The following LOC122539214 variants were observed in gnomAD, a reference collection of about 807,000 sequenced individuals.
the LOC122539214 span, chr19:52,653,345 G>A: frequency 3.3e-6 from 4 of 1,221,608 alleles, no homozygotes; most frequent in African/African-American, 1.5e-5. Context: ...ACTCTCTGAT[G>A]TTGTGCAAGG....
chr19:52,655,873 G>A, the LOC122539214 span, among the ~76,000 whole-genome samples: 1 of 152,062 alleles, frequency 6.6e-6, no homozygotes, highest in African/African-American at 2.4e-5. Context: ...GATAGATTTT[G>A]AAATCTCCTA....
chr19:52,682,840 A>G, the LOC122539214 span, among the ~76,000 whole-genome samples: 2 of 152,082 alleles, frequency 1.3e-5, no homozygotes, highest in Non-Finnish European at 2.9e-5. Flanking sequence ...TGTACTCCAG[A>G]CCTGGGCCAC....
chr19:52,664,844 C>T, the LOC122539214 span, among the ~76,000 whole-genome samples: 5,009 of 151,828 alleles, frequency 0.033, 289 homozygotes, highest in African/African-American at 0.11. Context: ...TCTCACTCTC[C>T]GTGTTTCTGT....
the LOC122539214 span, among the ~76,000 whole-genome samples, chr19:52,658,136 C>CA: frequency 0.029 from 3,036 of 103,718 alleles, 42 homozygotes; most frequent in Middle Eastern, 0.036. Flanking sequence ...AACTTCATCT[C>CA]AAAAAAAAAA....
At chr19:52,660,665 TGACGCAG>T in the LOC122539214 span, 2 of 158,120 alleles carry the variant, frequency 1.3e-5, no homozygotes, top group South Asian at 3.8e-4. Context: ...AGCAAACTTG[TGACGCAG>T]GACGCTTCAG....
chr19:52,653,889 C>T, the LOC122539214 span, among the ~76,000 whole-genome samples: 123 of 152,338 alleles, frequency 8.1e-4, no homozygotes, highest in African/African-American at 2.6e-3. Context: ...CTTTGCCACA[C>T]TCATTACATT....
chr19:52,658,631 G>A, the LOC122539214 span, among the ~76,000 whole-genome samples: 2 of 152,150 alleles, frequency 1.3e-5, no homozygotes, highest in African/African-American at 4.8e-5. Context: ...CAAACCTTTT[G>A]GAAGGCCGAA....
the LOC122539214 span, among the ~76,000 whole-genome samples, chr19:52,656,840 T>G: frequency 2.6e-3 from 374 of 143,218 alleles, 1 homozygote; most frequent in Non-Finnish European, 4.2e-3. Context: ...CATTCCAGCC[T>G]ATCGACAGAG....
At chr19:52,664,094 G>A in the LOC122539214 span, among the ~76,000 whole-genome samples, 108,794 of 152,012 alleles carry the variant, frequency 0.72, 39,021 homozygotes, top group Admixed American at 0.79. Flanking sequence ...ATGTTGGCCA[G>A]GCTGGTCTCG....
chr19:52,650,747 T>C, the LOC122539214 span: 1 of 152,230 alleles, frequency 6.6e-6, no homozygotes, highest in African/African-American at 2.4e-5. Flanking sequence ...TTTTTGCTAC[T>C]TCCTAAGGCT....
At chr19:52,659,947 C>T in the LOC122539214 span, among the ~76,000 whole-genome samples, 1 of 152,106 alleles carries the variant, frequency 6.6e-6, no homozygotes. Flanking sequence ...AATCCCACGA[C>T]CTTGGGAGGC....
chr19:52,663,259 A>C, the LOC122539214 span, among the ~76,000 whole-genome samples: 5 of 152,318 alleles, frequency 3.3e-5, no homozygotes, highest in East Asian at 5.8e-4. Flanking sequence ...ATGAATCCTA[A>C]ACATGCAATT....
At chr19:52,669,800 T>C in the LOC122539214 span, among the ~76,000 whole-genome samples, 6 of 152,152 alleles carry the variant, frequency 3.9e-5, no homozygotes, top group Non-Finnish European at 7.4e-5. Context: ...CATGCATCCG[T>C]GGGTTGGTGC....
chr19:52,666,111 C>T, the LOC122539214 span, among the ~76,000 whole-genome samples: 14 of 148,942 alleles, frequency 9.4e-5, no homozygotes, highest in African/African-American at 3.5e-4. Flanking sequence ...TTGCAGTGAG[C>T]CAAGATCGCA....
the LOC122539214 span, among the ~76,000 whole-genome samples, chr19:52,664,451 C>T: frequency 6.6e-6 from 1 of 151,988 alleles, no homozygotes; most frequent in African/African-American, 2.4e-5. Flanking sequence ...AGCTCTGATC[C>T]TGTAACAGCT....
At chr19:52,655,326 C>T in the LOC122539214 span, 2 of 398,912 alleles carry the variant, frequency 5.0e-6, no homozygotes, top group Non-Finnish European at 8.9e-6. Context: ...AGCAGGATGA[C>T]GTTCAATTCT....
the LOC122539214 span, among the ~76,000 whole-genome samples, chr19:52,669,208 G>A: frequency 6.6e-6 from 1 of 152,130 alleles, no homozygotes; most frequent in South Asian, 2.1e-4. Context: ...ATCAACCAGA[G>A]AAAGGAAAAA....
chr19:52,654,770 T>C, the LOC122539214 span: 26,930 of 156,184 alleles, frequency 0.17, 2,440 homozygotes, highest in Middle Eastern at 0.24. Flanking sequence ...GCCTGAATGA[T>C]GTCCTCCCTA....
chr19:52,658,347 C>T, the LOC122539214 span, among the ~76,000 whole-genome samples: 2 of 152,114 alleles, frequency 1.3e-5, no homozygotes, highest in Non-Finnish European at 2.9e-5. Context: ...GTGGGGATCA[C>T]CTGAGGTCAG....
Sources: gnomAD v4.1 joint callset for allele counts (sites outside exome capture counted in the v4.1 genomes callset) on GRCh38, gnomAD v4.1.1 for gene constraint, MANE v1.5 for transcripts.